The following CHST8 variants were observed in gnomAD, a reference collection of about 807,000 sequenced individuals.
The protein encoded by CHST8 is GALNAC-4-ST1.
In CHST8, 10 loss-of-function variants were observed where a neutral mutation model predicts 15.0. The observed-to-expected ratio is 0.67, with a 90% confidence interval of 0.41 to 1.13. The LOEUF (loss-of-function observed/expected upper bound fraction) is 1.13. Among genes scored for constraint, CHST8 ranks in the 50% most tolerant of loss-of-function variants. CHST8 has a pLI of 0.00. For synonymous variants in CHST8, 259 were observed against 256.6 expected, an observed-to-expected ratio of 1.01 and a Z score of -0.09; for missense variants, 634 against 608.2, an observed-to-expected ratio of 1.04 and a Z score of -0.45.
At chr19:33,754,670 C>T (rs1974510366) in intron 3 of CHST8, among the ~76,000 whole-genome samples, 1 of 152,230 alleles carries the variant, frequency 6.6e-6, no homozygotes, top group Non-Finnish European at 1.5e-5. Flanking sequence ...ATGCCCGCTC[C>T]AGCCTCTGCC....
At chr19:33,704,341 T>G (rs1415771345) in intron 3 of CHST8, among the ~76,000 whole-genome samples, 1 of 152,182 alleles carries the variant, frequency 6.6e-6, no homozygotes, top group Non-Finnish European at 1.5e-5. Flanking sequence ...ACCTTTGCCC[T>G]CAGGGTCTGG....
chr19:33,763,767 A>G (rs1974780725), intron 3 of CHST8, among the ~76,000 whole-genome samples: 1 of 152,218 alleles, frequency 6.6e-6, no homozygotes, highest in Non-Finnish European at 1.5e-5. Context: ...CCTGCCTCAG[A>G]TGGAGGATGC....
At chr19:33,722,961 C>T (rs74586533) in intron 3 of CHST8, among the ~76,000 whole-genome samples, 4,900 of 152,310 alleles carry the variant, frequency 0.032, 249 homozygotes, top group African/African-American at 0.11. Flanking sequence ...CATTTTTCAC[C>T]TGGCATTCAC....
intron 1 of CHST8, among the ~76,000 whole-genome samples, chr19:33,662,791 G>A (rs1972604022): frequency 6.6e-6 from 1 of 152,192 alleles, no homozygotes; most frequent in Non-Finnish European, 1.5e-5. Context: ...TTGCTGCACT[G>A]CTCCCAGTGG....
chr19:33,675,395 T>C (rs1972795897), intron 2 of CHST8, among the ~76,000 whole-genome samples: 1 of 152,202 alleles, frequency 6.6e-6, no homozygotes, highest in African/African-American at 2.4e-5. Flanking sequence ...GCTCTCAGGA[T>C]AAAACCTGCC....
intron 3 of CHST8, among the ~76,000 whole-genome samples, chr19:33,718,371 T>A (rs284330): frequency 3.3e-5 from 5 of 151,864 alleles, no homozygotes; most frequent in Middle Eastern, 6.8e-3. Flanking sequence ...GGCGTGAGCC[T>A]CTGTGCCCAA....
intron 1 of CHST8, among the ~76,000 whole-genome samples, chr19:33,651,698 G>C (rs996820923): frequency 6.6e-6 from 1 of 151,884 alleles, no homozygotes; most frequent in Non-Finnish European, 1.5e-5. Context: ...TTCTGTTTTT[G>C]AAAAAACAAG....
chr19:33,673,765 T>A (rs1382089737), intron 2 of CHST8, among the ~76,000 whole-genome samples: 7 of 152,070 alleles, frequency 4.6e-5, no homozygotes, highest in Non-Finnish European at 1.5e-5. Flanking sequence ...TTTTTTTATT[T>A]TTTATTTTGA....
chr19:33,720,087 G>T (rs2145308087), intron 3 of CHST8, among the ~76,000 whole-genome samples: 1 of 152,214 alleles, frequency 6.6e-6, no homozygotes, highest in East Asian at 1.9e-4. Flanking sequence ...CGCCAGGCTG[G>T]AGTCACCCTC....
At chr19:33,632,488 GTCT>G (rs144558348) in intron 1 of CHST8, among the ~76,000 whole-genome samples, 234 of 152,074 alleles carry the variant, frequency 1.5e-3, no homozygotes, top group African/African-American at 5.4e-3. Flanking sequence ...TGCTAATGAT[GTCT>G]TCTTCTTGTC....
intron 3 of CHST8, among the ~76,000 whole-genome samples, chr19:33,734,034 A>G (rs1211999145): frequency 1.3e-5 from 2 of 152,256 alleles, no homozygotes; most frequent in Admixed American, 1.3e-4. Context: ...GCTGAGACCT[A>G]CTGGGCTGCA....
chr19:33,747,739 T>G (rs1289953726), intron 3 of CHST8, among the ~76,000 whole-genome samples: 2 of 152,202 alleles, frequency 1.3e-5, no homozygotes, highest in Non-Finnish European at 2.9e-5. Context: ...TGGCTGTTTG[T>G]TTTCTTCGTC....
intron 3 of CHST8, among the ~76,000 whole-genome samples, chr19:33,733,270 G>C (rs936797027): frequency 7.8e-6 from 1 of 128,138 alleles, no homozygotes; most frequent in Non-Finnish European, 1.6e-5. Context: ...GTCTTGCTCT[G>C]TTGCCCAGGC....
rs916046058 is a variant in CHST8 at position 33,772,993 on chromosome 19, G to A, written c.1205G>A (p.Arg402His). 5 of 1,613,248 alleles carry A rather than the reference G, an allele frequency of 3.1e-6. No homozygotes were observed. The highest frequency in any genetic ancestry group is 2.5e-6 in the Non-Finnish European group (3 of 1,180,020). ...CAACTCTCGGCCCTGCAAAGGCAGC[G>A]CACCTACGACTTCTACTACATGGAT... Reference protein sequence around the residue: ...FAQLSALQRQRTYDFYYMDYL... With the variant: ...FAQLSALQRQHTYDFYYMDYL... Residue 402 changes from arginine to histidine, a missense_variant, in exon 5 of 5, where the codon CGC (arginine) becomes CAC (histidine). Arg to His is a conservative substitution (Grantham distance 29, BLOSUM62 0). Transcript: ENST00000650847.
chr19:33,730,923 T>G (rs1973982363), intron 3 of CHST8, among the ~76,000 whole-genome samples: 1 of 152,164 alleles, frequency 6.6e-6, no homozygotes, highest in African/African-American at 2.4e-5. Flanking sequence ...GAGTCCGATG[T>G]TCGAGGGCAG....
intron 1 of CHST8, among the ~76,000 whole-genome samples, chr19:33,639,600 G>T (rs1334755922): frequency 2.0e-5 from 3 of 152,154 alleles, no homozygotes; most frequent in Admixed American, 6.5e-5. Context: ...GTGGGGTTAG[G>T]ATTTGTAAGT....
chr19:33,625,907 A>G (rs1228532236), intron 1 of CHST8, among the ~76,000 whole-genome samples: 2 of 152,098 alleles, frequency 1.3e-5, no homozygotes. Flanking sequence ...GGATGTAGAT[A>G]TGGCATCAGT....
intron 3 of CHST8, among the ~76,000 whole-genome samples, chr19:33,717,800 G>T (rs1032698668): frequency 2.0e-5 from 3 of 152,124 alleles, no homozygotes; most frequent in African/African-American, 7.2e-5. Flanking sequence ...GTTTTTCAGG[G>T]TGTCATATGA....
At chr19:33,673,989 C>T (rs552142390) in intron 2 of CHST8, among the ~76,000 whole-genome samples, 243 of 152,286 alleles carry the variant, frequency 1.6e-3, no homozygotes, top group African/African-American at 5.6e-3. Flanking sequence ...CCTGACCTCA[C>T]GTGATCTGCC....
Sources: gnomAD v4.1 joint callset for allele counts (sites outside exome capture counted in the v4.1 genomes callset) on GRCh38, gnomAD v4.1.1 for gene constraint, MANE v1.5 for transcripts, NCBI Gene and HGNC (gene_info 2026-07-23, HGNC 2026-07-21) for gene names.